CNTNAP2: variants seen among roughly 807,000 people sequenced by gnomAD.
CNTNAP2 encodes the protein contactin associated protein 2.
In CNTNAP2, 98 loss-of-function variants were observed where a neutral mutation model predicts 155.2. The ratio of observed to expected loss-of-function variants is 0.63; its 90% CI spans 0.54 to 0.75. The LOEUF (loss-of-function observed/expected upper bound fraction) is 0.75. Among genes scored for constraint, CNTNAP2 ranks in the 30% least tolerant of loss-of-function variants. CNTNAP2 has a pLI of 0.00. For missense variants in CNTNAP2, 1,727 were observed against 1,688.1 expected (o/e 1.02, Z -0.40); for synonymous variants, 651 against 631.2 (o/e 1.03, Z -0.47).
chr7:147,477,710 T>C lies in CNTNAP2; in HGVS notation c.1671-8225T>C, dbSNP rs145013978. On this transcript the variant is annotated intron_variant, in intron 10 of 23. Transcript: ENST00000361727. Reference sequence around the variant, plus strand: ...GTGCATCTCTTGATGGCTGGCTTTATTTTGCCTCTGGATAAAGTTCAAAAA... The same window carrying C: ...GTGCATCTCTTGATGGCTGGCTTTACTTTGCCTCTGGATAAAGTTCAAAAA... Among the ~76,000 whole-genome samples, 212 of 152,306 alleles carry C rather than the reference T, an allele frequency of 1.4e-3. 1 individual carries two copies. The highest frequency in any genetic ancestry group is 4.8e-3 in the African/African-American group (199 of 41,568).
At position 148,415,664 on chromosome 7, in the gene CNTNAP2, G is replaced by A. The variant is rs78018010; in HGVS notation, c.*48G>A. ...ATAGGGAGGAGGGAATTACTAGGGA[G>A]GAGAGAAAGGGACAAAAGCACCCTG... On this transcript the variant is annotated 3_prime_UTR_variant, in exon 24 of 24. Coordinates refer to ENST00000361727, the MANE Select transcript of CNTNAP2 (RefSeq NM_014141.6). 3.0e-3 allele frequency: 4,772 copies of A among 1,607,964 alleles called. 109 individuals are homozygous for A. In the African/African-American group the frequency reaches 0.056, roughly 19 times the overall value.
At chr7:148,319,403 T>C (rs1797751225) in intron 21 of CNTNAP2, among the ~76,000 whole-genome samples, 2 of 152,062 alleles carry the variant, frequency 1.3e-5, no homozygotes, top group African/African-American at 4.8e-5. Context: ...ATCAAAACTC[T>C]TTGTTTTTTC....
chr7:147,715,457 C>T (rs2888515), intron 13 of CNTNAP2, among the ~76,000 whole-genome samples: 2,511 of 152,206 alleles, frequency 0.016, 225 homozygotes, highest in Admixed American at 0.15. Context: ...TTGTCATGGG[C>T]TAATCTGCCA....
At chr7:146,951,184 C>T (rs1031499829) in intron 3 of CNTNAP2, among the ~76,000 whole-genome samples, 3 of 152,072 alleles carry the variant, frequency 2.0e-5, no homozygotes, top group Non-Finnish European at 4.4e-5. Flanking sequence ...CTTGTAGATT[C>T]TGGATATTAG....
chr7:146,354,424 T>TG (rs1794967644), intron 1 of CNTNAP2, among the ~76,000 whole-genome samples: 6 of 151,152 alleles, frequency 4.0e-5, no homozygotes, highest in Admixed American at 4.0e-4. Context: ...TTTTTTTTTT[T>TG]TTTTGTTTGA....
chr7:146,429,416 T>C (rs1796140024), intron 1 of CNTNAP2, among the ~76,000 whole-genome samples: 1 of 152,170 alleles, frequency 6.6e-6, no homozygotes, highest in Non-Finnish European at 1.5e-5. Context: ...CAGTGGTTTA[T>C]AGTTCTCCTT....
intron 9 of CNTNAP2, among the ~76,000 whole-genome samples, chr7:147,390,972 G>T (rs1189375413): frequency 6.6e-6 from 1 of 151,998 alleles, no homozygotes; most frequent in African/African-American, 2.4e-5. Context: ...TAGGCCATCT[G>T]CTCAAATTCC....
At chr7:146,149,695 A>G (rs1417877219) in intron 1 of CNTNAP2, among the ~76,000 whole-genome samples, 3 of 152,130 alleles carry the variant, frequency 2.0e-5, no homozygotes, top group Admixed American at 2.0e-4. Context: ...CTTGGTATCC[A>G]TATAGGAAAA....
intron 1 of CNTNAP2, among the ~76,000 whole-genome samples, chr7:146,400,153 C>T (rs988450274): frequency 6.6e-6 from 1 of 151,992 alleles, no homozygotes. Flanking sequence ...CCAACAATTT[C>T]CTCAGTCTGA....
intron 15 of CNTNAP2, among the ~76,000 whole-genome samples, chr7:148,104,213 C>T (rs114159693): frequency 1.5e-3 from 224 of 152,154 alleles, no homozygotes; most frequent in African/African-American, 5.2e-3. Context: ...AATCATGGTT[C>T]TATTAATAGG....
intron 13 of CNTNAP2, among the ~76,000 whole-genome samples, chr7:147,692,021 T>C (rs146271976): frequency 0.016 from 2,498 of 152,246 alleles, 219 homozygotes; most frequent in Admixed American, 0.15. Context: ...TTATTCATCA[T>C]TCCACTTCTC....
At chr7:147,707,515 C>G (rs1348463502) in intron 13 of CNTNAP2, among the ~76,000 whole-genome samples, 1 of 152,190 alleles carries the variant, frequency 6.6e-6, no homozygotes, top group Non-Finnish European at 1.5e-5. Flanking sequence ...TGTCCTCAAA[C>G]CCCACTGGTG....
chr7:146,281,503 T>G (rs949713665), intron 1 of CNTNAP2, among the ~76,000 whole-genome samples: 31 of 152,144 alleles, frequency 2.0e-4, no homozygotes, highest in African/African-American at 7.5e-4. Flanking sequence ...TTCAGTTAAA[T>G]TACTTAATTT....
intron 1 of CNTNAP2, among the ~76,000 whole-genome samples, chr7:146,410,189 G>C (rs1243268044): frequency 6.6e-6 from 1 of 152,070 alleles, no homozygotes; most frequent in Non-Finnish European, 1.5e-5. Flanking sequence ...GAGCAAGCTT[G>C]GGCAAATGAC....
chr7:147,159,979 A>G (rs1801996787), intron 8 of CNTNAP2, among the ~76,000 whole-genome samples: 1 of 152,114 alleles, frequency 6.6e-6, no homozygotes, highest in South Asian at 2.1e-4. Context: ...AGTGACATAA[A>G]TTATCCAATG....
chr7:146,325,518 C>T (rs1293847381), intron 1 of CNTNAP2, among the ~76,000 whole-genome samples: 2 of 151,892 alleles, frequency 1.3e-5, no homozygotes, highest in East Asian at 1.9e-4. Context: ...GTTTTTATAG[C>T]CCCTTGTATA....
intron 18 of CNTNAP2, among the ~76,000 whole-genome samples, chr7:148,187,245 C>T (rs979373495): frequency 2.6e-5 from 4 of 152,118 alleles, no homozygotes; most frequent in African/African-American, 7.2e-5. Context: ...ACCCACACAC[C>T]GTATCCATGC....
intron 1 of CNTNAP2, among the ~76,000 whole-genome samples, chr7:146,684,906 T>C (rs2129170539): frequency 6.6e-6 from 1 of 152,244 alleles, no homozygotes; most frequent in South Asian, 2.1e-4. Context: ...GGATTTGGCT[T>C]TCAGATGGTG....
intron 15 of CNTNAP2, among the ~76,000 whole-genome samples, chr7:148,094,096 G>A (rs1002131950): frequency 2.0e-5 from 3 of 152,186 alleles, no homozygotes; most frequent in African/African-American, 4.8e-5. Flanking sequence ...AGGCAGTGGA[G>A]AAAGGGAGTA....
Sources: allele counts gnomAD v4.1 joint callset (sites outside exome capture counted in the v4.1 genomes callset), GRCh38; gene constraint gnomAD v4.1.1; transcripts MANE v1.5; gene names NCBI Gene and HGNC (gene_info 2026-07-23, HGNC 2026-07-21).